ABAT: variants seen among roughly 807,000 people sequenced by gnomAD.
The protein encoded by ABAT is 4-aminobutyrate aminotransferase, mitochondrial.
ABAT carries 45 observed loss-of-function variants against 64.6 expected under a neutral mutation model. That is an observed-to-expected ratio of 0.70 (90% CI 0.55 to 0.89). ABAT has a LOEUF of 0.89. Ranked by LOEUF, ABAT falls within the 40% of genes least tolerant of loss-of-function variation. The pLI is 0.00. For synonymous variants in ABAT, 297 were observed against 250.5 expected, an observed-to-expected ratio of 1.19 and a Z score of -1.75; for missense variants, 633 against 658.4, an observed-to-expected ratio of 0.96 and a Z score of 0.42.
rs2060434693 is a variant in ABAT at position 8,781,377 on chromosome 16, C to T, written c.1450C>T (p.His484Tyr). 1 of 1,614,080 alleles carries T rather than the reference C, an allele frequency of 6.2e-7. No individual in the cohort carries two copies. Among genetic ancestry groups the T allele is most frequent in the African/African-American group, 1.3e-5 (1 of 74,926 alleles). ...FRPTLVFRDH[H>Y]AHLFLNIFSD... ...TCCCACGCTGGTCTTCAGGGATCAC[C>T]ACGCTCACCTGTTCCTCAATATTTT... is the stretch of plus-strand genomic sequence containing the variant. The change falls in exon 16 of 16, where the codon CAC becomes TAC. Residue 484 changes from histidine to tyrosine, a missense_variant. Coordinates refer to ENST00000268251, the MANE Select transcript of ABAT (RefSeq NM_020686.6). The surrounding 1 kb of genome is among the most constrained non-coding windows in gnomAD (Gnocchi z 4.5).
At chr16:8,726,480 T>G (rs8044285) in intron 1 of ABAT, among the ~76,000 whole-genome samples, 107,163 of 151,658 alleles carry the variant, frequency 0.71, 38,861 homozygotes, top group Non-Finnish European at 0.8. Flanking sequence ...GCTGGCCTCA[T>G]GGGATCCACC....
intron 1 of ABAT, among the ~76,000 whole-genome samples, chr16:8,726,775 C>T (rs1001552784): frequency 2.1e-4 from 32 of 152,172 alleles, no homozygotes; most frequent in African/African-American, 7.5e-4. Flanking sequence ...CAACTGTTCT[C>T]CATAGTGGTT....
intron 2 of ABAT, among the ~76,000 whole-genome samples, chr16:8,742,345 A>C (rs1189452595): frequency 1.3e-5 from 2 of 152,222 alleles, no homozygotes; most frequent in Non-Finnish European, 2.9e-5. Context: ...CTACAATGCA[A>C]TGTCAAGACA....
At position 8,680,197 on chromosome 16, in the gene ABAT, C is replaced by G. The variant is rs559608945; in HGVS notation, c.-42+5486C>G. ...CTATTCTTCCTGGGTCCATCACATCCTAGATTTCTTGGGTCCATCACTGTT... is the reference window on the plus strand; with the variant it reads ...CTATTCTTCCTGGGTCCATCACATCGTAGATTTCTTGGGTCCATCACTGTT... On this transcript the variant is annotated intron_variant, in intron 1 of 15. Transcript: ENST00000268251. Among the ~76,000 whole-genome samples the G allele has an allele frequency of 9.2e-5, 14 of 152,194 alleles. 1 individual carries two copies. The East Asian group carries it at 2.7e-3, about 29-fold the overall frequency.
chr16:8,765,985 C>A (rs547065555), intron 8 of ABAT: 1 of 505,702 alleles, frequency 2.0e-6, no homozygotes, highest in South Asian at 2.0e-5. Context: ...AGATCTTAAT[C>A]GTTGCTGATG....
chr16:8,775,008 AGAT>A lies in ABAT; in HGVS notation c.1079_1081del (p.Met360del), dbSNP rs766535132. ...GCAGACGTGATGACCTTCAGCAAGA[AGAT>A]GATGACTGGGGGCTTCTTCCACAAG... is the stretch of plus-strand genomic sequence containing the variant. On this transcript the variant is annotated inframe_deletion, in exon 13 of 16. Transcript: ENST00000268251. 6.2e-7 allele frequency: 1 copy of A among 1,614,230 alleles called. No individual in the cohort carries two copies. The highest frequency in any genetic ancestry group is 8.5e-7 in the Non-Finnish European group (1 of 1,180,046).
intron 1 of ABAT, among the ~76,000 whole-genome samples, chr16:8,709,350 T>TTTTA (rs149223193): frequency 0.023 from 3,402 of 149,210 alleles, 69 homozygotes; most frequent in African/African-American, 0.049. Flanking sequence ...TGACTCACAT[T>TTTTA]TTTATTTATT....
intron 11 of ABAT, among the ~76,000 whole-genome samples, chr16:8,772,481 TG>T (rs1170867529): frequency 6.6e-6 from 1 of 152,208 alleles, no homozygotes; most frequent in African/African-American, 2.4e-5. Context: ...TCCACGACCC[TG>T]GAAGGTGGAT....
chr16:8,692,701 A>G (rs777727020), intron 1 of ABAT, among the ~76,000 whole-genome samples: 13 of 152,336 alleles, frequency 8.5e-5, no homozygotes, highest in African/African-American at 1.9e-4. Flanking sequence ...TGGGCTAGCT[A>G]TCTGCATTTC....
intron 1 of ABAT, among the ~76,000 whole-genome samples, chr16:8,712,313 G>T (rs1308548681): frequency 6.6e-6 from 1 of 152,120 alleles, no homozygotes; most frequent in African/African-American, 2.4e-5. Context: ...AAATATTTTG[G>T]GGGGAAGGAT....
At chr16:8,702,628 C>A (rs1037620229) in intron 1 of ABAT, among the ~76,000 whole-genome samples, 1 of 152,152 alleles carries the variant, frequency 6.6e-6, no homozygotes, top group African/African-American at 2.4e-5. Flanking sequence ...CTAAACTATT[C>A]ATGAGAAGCC....
At chr16:8,769,083 C>CT (rs1319769801) in intron 11 of ABAT, 110 bp downstream of exon 11, 82 of 1,476,752 alleles carry the variant, frequency 5.6e-5, no homozygotes, top group Non-Finnish European at 7.5e-5. Flanking sequence ...GGGATCTGTG[C>CT]AGTGCTCCCC....
intron 1 of ABAT, among the ~76,000 whole-genome samples, chr16:8,676,271 G>A (rs1039039140): frequency 1.3e-5 from 2 of 152,124 alleles, no homozygotes; most frequent in African/African-American, 4.8e-5. Context: ...CCCTTCATTT[G>A]ACAGTTAAAC....
rs1260740528 is a variant in ABAT, at chr16:8,781,784, C to T, written c.*354C>T. ...CCAGTCAAGGGCATTACATTTGTTC[C>T]TGGGACTGGCAGCTGGGCCTCCTGG... On this transcript the variant is annotated 3_prime_UTR_variant, in exon 16 of 16. Coordinates refer to ENST00000268251, the MANE Select transcript of ABAT (RefSeq NM_020686.6). This position sits in a 1 kb window ranked among gnomAD's most constrained non-coding sequence, Gnocchi z 4.5. The T allele has an allele frequency of 2.7e-6, 1 of 373,274 alleles. No individual in the cohort carries two copies. Among genetic ancestry groups the T allele is most frequent in the Non-Finnish European group, 5.1e-6 (1 of 194,560 alleles). 23.1% of individuals were successfully genotyped at this position (373,274 alleles called of 1,614,324 possible). A position where few individuals can be genotyped will look rare whatever the true frequency, so the allele number is the denominator to read the frequency against.
At chr16:8,765,169 TA>T (rs1057037695) in intron 8 of ABAT, among the ~76,000 whole-genome samples, 4 of 138,576 alleles carry the variant, frequency 2.9e-5, no homozygotes, top group Non-Finnish European at 6.3e-5. Flanking sequence ...CCATCTCTAC[TA>T]AAAAAAAATT....
intron 12 of ABAT, 66 bp from the exon 13 acceptor site, chr16:8,774,824 T>G (rs1234598537): frequency 6.3e-7 from 1 of 1,597,378 alleles, no homozygotes; most frequent in African/African-American, 1.3e-5. Context: ...TAGCTGGCTA[T>G]GGAGGGCATG....
chr16:8,722,820 G>A (rs1184922357), intron 1 of ABAT: 1 of 1,289,134 alleles, frequency 7.8e-7, no homozygotes, highest in Admixed American at 2.3e-5. Flanking sequence ...AATCAAAGAG[G>A]GATATACTAA....
chr16:8,729,382 G>C (rs1206217449), intron 1 of ABAT, among the ~76,000 whole-genome samples: 2 of 152,194 alleles, frequency 1.3e-5, no homozygotes, highest in African/African-American at 4.8e-5. Context: ...AGGGGCTTTG[G>C]GGTCAGACAG....
At chr16:8,724,731 GAAAAAAAAAAAAAACAAAAAAAAA>G (rs1272805554) in intron 1 of ABAT, among the ~76,000 whole-genome samples, 17 of 73,208 alleles carry the variant, frequency 2.3e-4, no homozygotes, top group East Asian at 1.2e-3. Context: ...CTTGTCTCAG[GAAAAAAAAAAAAAACAAAAAAAAA>G]AAAAAAAAAA....
Sources: allele counts gnomAD v4.1 joint callset (sites outside exome capture counted in the v4.1 genomes callset), GRCh38; gene constraint gnomAD v4.1.1; non-coding constraint Gnocchi (gnomAD v3.1); transcripts MANE v1.5; gene names NCBI Gene and HGNC (gene_info 2026-07-23, HGNC 2026-07-21).